Variants in NAF1 observed in about 807,000 individuals in gnomAD.
The protein encoded by NAF1 is H/ACA ribonucleoprotein complex non-core subunit NAF1.
In NAF1, 11 loss-of-function variants were observed where a neutral mutation model predicts 40.6. The observed-to-expected ratio is 0.27, with a 90% CI of 0.17 to 0.45. The LOEUF (loss-of-function observed/expected upper bound fraction) is 0.45. Ranked by LOEUF, NAF1 falls within the 20% of genes least tolerant of loss-of-function variation. The pLI, the probability that NAF1 is intolerant of heterozygous loss-of-function variation, is 1.00. For missense variants in NAF1, 607 were observed against 611.1 expected, an observed-to-expected ratio of 0.99 and a Z score of 0.07; for synonymous variants, 260 against 228.5, an observed-to-expected ratio of 1.14 and a Z score of -1.24.
intron 2 of NAF1, among the ~76,000 whole-genome samples, chr4:163,115,034 G>A (rs563633850): frequency 6.6e-6 from 1 of 151,414 alleles, no homozygotes; most frequent in East Asian, 1.9e-4. Context: ...TTCCTATGAC[G>A]GTTATCTTAA....
intron 1 of NAF1, among the ~76,000 whole-genome samples, chr4:163,166,028 G>C (rs1732445282): frequency 6.6e-6 from 1 of 151,936 alleles, no homozygotes; most frequent in African/African-American, 2.4e-5. Flanking sequence ...AACCACAAAA[G>C]TACAGCCTAA....
In NAF1 at chr4:163,133,122, A is replaced by G. The variant is rs2110894326; in HGVS notation, c.1033+32T>C. On this transcript the variant is annotated intron_variant, in intron 7 of 7. Coordinates refer to ENST00000274054, the MANE Select transcript of NAF1 (RefSeq NM_138386.3). ...AACTTATATAGATGTAAATGAAGAT[A>G]AAGAACGAGTATATATATTGTATTC... is the stretch of plus-strand genomic sequence containing the variant. 3 of 1,511,360 alleles carry G rather than the reference A, an allele frequency of 2.0e-6. No homozygotes were observed. In the East Asian group the frequency reaches 6.8e-5, roughly 34 times the overall value. 93.6% of individuals were successfully genotyped at this position (1,511,360 alleles called of 1,614,324 possible).
At chr4:163,111,387 A>C (rs1272730187) in intron 2 of NAF1, among the ~76,000 whole-genome samples, 1 of 152,174 alleles carries the variant, frequency 6.6e-6, no homozygotes, top group Non-Finnish European at 1.5e-5. Flanking sequence ...ATAAAGTAAA[A>C]GTAATATACA....
At chr4:163,145,166 A>C (rs1420761127) in intron 4 of NAF1, among the ~76,000 whole-genome samples, 2 of 152,198 alleles carry the variant, frequency 1.3e-5, no homozygotes, top group African/African-American at 4.8e-5. Context: ...TTGCTGAGTA[A>C]AGTGCACAGT....
chr4:163,156,815 T>C (rs548464608), intron 2 of NAF1: 3 of 152,302 alleles, frequency 2.0e-5, no homozygotes, highest in African/African-American at 7.2e-5. Flanking sequence ...ATCTATATTT[T>C]AATTTCATTG....
At chr4:163,110,694 C>T (rs1730134068) in intron 2 of NAF1, among the ~76,000 whole-genome samples, 1 of 152,142 alleles carries the variant, frequency 6.6e-6, no homozygotes. Context: ...GAACTAGAGA[C>T]AGATTTTAAG....
chr4:163,144,839 C>G (rs1196362418), intron 4 of NAF1, among the ~76,000 whole-genome samples: 2 of 151,384 alleles, frequency 1.3e-5, no homozygotes, highest in Non-Finnish European at 1.5e-5. Context: ...GTGGGAAATA[C>G]AAAAAAAATG....
intron 2 of NAF1, chr4:163,119,669 G>A (rs1292120733): frequency 6.6e-6 from 1 of 152,140 alleles, no homozygotes; most frequent in Non-Finnish European, 1.5e-5. Flanking sequence ...TTCCCAGTGT[G>A]TTCTGTGGAA....
chr4:163,137,725 TG>T (rs1457787192), intron 5 of NAF1, among the ~76,000 whole-genome samples: 1 of 152,176 alleles, frequency 6.6e-6, no homozygotes, highest in Non-Finnish European at 1.5e-5. Context: ...ACCTGAGGAA[TG>T]TCAGCAATCC....
chr4:163,133,174 T>C lies in NAF1; in HGVS notation c.1013A>G (p.Lys338Arg), dbSNP rs745594968. 6.2e-7 allele frequency: 1 copy of C among 1,613,694 alleles called. No individual in the cohort carries two copies. Among genetic ancestry groups the C allele is most frequent in the East Asian group, 2.2e-5 (1 of 44,800 alleles). ...CTCACCAGGCTCATTAAATTCAGAT[T>C]TGAGTTTTTTCCGGCCTTGAATCTG... ...KSQIQGRKKLKSEFNEPGEDF... is the reference protein window; with the variant it reads ...KSQIQGRKKLRSEFNEPGEDF... Residue 338 changes from lysine to arginine, a missense_variant, in exon 7 of 8, where the codon AAA becomes AGA. This residue lies in a region of NAF1 where 189 missense variants were observed against 216.6 expected (regional missense o/e 0.87). Coordinates refer to ENST00000274054, the MANE Select transcript of NAF1 (RefSeq NM_138386.3).
At chr4:163,104,299 T>A in the NAF1 span, among the ~76,000 whole-genome samples, 1 of 152,226 alleles carries the variant, frequency 6.6e-6, no homozygotes, top group African/African-American at 2.4e-5. Flanking sequence ...TATGATGGTT[T>A]AGCTTGGGCT....
chr4:163,112,886 T>C (rs1196351241), intron 2 of NAF1, among the ~76,000 whole-genome samples: 1 of 152,194 alleles, frequency 6.6e-6, no homozygotes, highest in Non-Finnish European at 1.5e-5. Context: ...GACAAGTGAA[T>C]GGACTAGGAA....
At position 163,166,655 on chromosome 4, in the gene NAF1, C is replaced by T. The variant is rs1222363776; in HGVS notation, c.73G>A (p.Glu25Lys). The T allele has an allele frequency of 6.2e-7, 1 of 1,613,598 alleles. No homozygotes were observed. The highest frequency in any genetic ancestry group is 8.5e-7 in the Non-Finnish European group (1 of 1,179,972). The change falls in exon 1 of 8, where the codon GAA (glutamate) becomes AAA (lysine). Residue 25 changes from glutamate (E) to lysine (K), a missense_variant. Around this residue, in one of 3 missense-constraint regions of NAF1, gnomAD observed 407 missense variants for 365.5 expected, o/e 1.11. Coordinates refer to ENST00000274054, the MANE Select transcript of NAF1 (RefSeq NM_138386.3). ...CCCGGAGACGGAGCCGCCGGACCTT[C>T]CCCAACTCCAAAGTCGGTGCCATTG... ...KFNGTDFGVGEGPAAPSPGSA... is the reference protein window; with the variant it reads ...KFNGTDFGVGKGPAAPSPGSA...
intron 6 of NAF1, among the ~76,000 whole-genome samples, chr4:163,134,689 G>T (rs577142793): frequency 3.0e-4 from 45 of 152,212 alleles, no homozygotes; most frequent in African/African-American, 1.1e-3. Context: ...GAATGAGTTA[G>T]CTATGAAAAT....
intron 6 of NAF1, among the ~76,000 whole-genome samples, chr4:163,134,725 C>T (rs1730990779): frequency 6.6e-6 from 1 of 151,930 alleles, no homozygotes; most frequent in Non-Finnish European, 1.5e-5. Context: ...AAAATGTGAA[C>T]AATACACACA....
rs552685963 is a variant in NAF1 at position 163,115,215 on chromosome 4, T to A, written c.115-4925A>T. ...AGGACAATAATTTTTTTATTTATTT[T>A]TTTTTTTTTTTGAGACAGAGTCTCG... On this transcript the variant is annotated intron_variant, in intron 2 of 2. Coordinates refer to the NAF1 transcript ENST00000509434. Among the ~76,000 whole-genome samples the A allele has an allele frequency of 1.7e-3, 235 of 141,718 alleles. 5 individuals are homozygous for A. Among genetic ancestry groups the A allele is most frequent in the Middle Eastern group, 3.5e-3 (1 of 286 alleles). The allele number at this position is 141,718 out of a possible 152,430, so 93.0% of individuals were successfully genotyped here.
intron 4 of NAF1, among the ~76,000 whole-genome samples, chr4:163,143,750 G>A (rs988221572): frequency 1.3e-5 from 2 of 152,174 alleles, no homozygotes; most frequent in Non-Finnish European, 2.9e-5. Flanking sequence ...TTCAAACAAT[G>A]TCTCTCTAGG....
downstream of NAF1, among the ~76,000 whole-genome samples, chr4:163,125,157 C>T (rs1432096298): frequency 1.3e-5 from 2 of 152,108 alleles, no homozygotes; most frequent in Non-Finnish European, 2.9e-5. Context: ...CTTCCTATTT[C>T]GTGAAACAGC....
rs773226685 is a variant in NAF1 at position 163,166,542 on chromosome 4, G to A, written c.186C>T (p.Ala62=). The A allele has an allele frequency of 3.2e-6, 5 of 1,579,592 alleles. No homozygotes were observed. Among genetic ancestry groups the A allele is most frequent in the Non-Finnish European group, 4.3e-6 (5 of 1,164,816 alleles). The change falls in exon 1 of 8, where the codon GCC becomes GCT. Residue 62 remains alanine, a synonymous_variant. Transcript: ENST00000274054. Reference sequence around the variant, plus strand: ...GAACGGGCTGCAGAGGCTGCTCCCCGGCAGGCTTAACCTCCACGGTCTGCC... The same window carrying A: ...GAACGGGCTGCAGAGGCTGCTCCCCAGCAGGCTTAACCTCCACGGTCTGCC... ...DAGQTVEVKP[A]GEQPLQPVLN...
Sources: gnomAD v4.1 joint callset for allele counts (sites outside exome capture counted in the v4.1 genomes callset) on GRCh38, gnomAD v4.1.1 for gene constraint, gnomAD v4.1.1 regional missense constraint, MANE v1.5 for transcripts, NCBI Gene and HGNC (gene_info 2026-07-23, HGNC 2026-07-21) for gene names.